Variants in EPB41L3 observed in about 807,000 individuals in gnomAD.
EPB41L3 encodes erythrocyte membrane protein band 4.1 like 3, also known as band 4.1-like protein 3.
EPB41L3 carries 57 observed loss-of-function variants against 127.1 expected under a neutral mutation model. The observed-to-expected ratio is 0.45, with a 90% CI of 0.36 to 0.56. The LOEUF (loss-of-function observed/expected upper bound fraction) is 0.56, where lower values mean the gene tolerates loss of function less well. Among genes scored for constraint, EPB41L3 ranks in the 20% least tolerant of loss-of-function variants. The probability of loss-of-function intolerance (pLI) is 0.00; values close to 1 mark genes in which losing one functional copy is unlikely to be tolerated. For missense variants in EPB41L3, 1,273 were observed against 1,372.2 expected (o/e 0.93, Z 1.14); for synonymous variants, 572 against 549.5 (o/e 1.04, Z -0.57).
At chr18:5,523,859 T>C (rs982218265) in intron 1 of EPB41L3, among the ~76,000 whole-genome samples, 8 of 152,292 alleles carry the variant, frequency 5.3e-5, no homozygotes, top group Admixed American at 2.0e-4. Context: ...TCTACTTGTT[T>C]TAAAAACCTT....
chr18:5,482,857 A>G (rs1380547438), intron 2 of EPB41L3, among the ~76,000 whole-genome samples: 1 of 152,204 alleles, frequency 6.6e-6, no homozygotes, highest in Non-Finnish European at 1.5e-5. Flanking sequence ...GAAATGCTAA[A>G]GAGAGTTCTT....
intron 1 of EPB41L3, among the ~76,000 whole-genome samples, chr18:5,525,384 T>C (rs1197900874): frequency 1.3e-5 from 2 of 152,176 alleles, no homozygotes; most frequent in Admixed American, 6.5e-5. Context: ...AGTAACACAA[T>C]GAGGCCAGCT....
intron 3 of EPB41L3, among the ~76,000 whole-genome samples, chr18:5,597,331 C>A (rs1184756119): frequency 6.6e-6 from 1 of 152,184 alleles, no homozygotes; most frequent in Non-Finnish European, 1.5e-5. Context: ...TATGATATGA[C>A]TTGGCTTCAG....
chr18:5,474,668 T>C (rs370828817), intron 3 of EPB41L3, among the ~76,000 whole-genome samples: 19 of 152,210 alleles, frequency 1.2e-4, no homozygotes, highest in East Asian at 7.7e-4. Context: ...AAAAAAAAGT[T>C]TCATCTGTTA....
chr18:5,489,994 T>G (rs1023008306), intron 1 of EPB41L3, among the ~76,000 whole-genome samples: 1 of 152,242 alleles, frequency 6.6e-6, no homozygotes, highest in Non-Finnish European at 1.5e-5. Flanking sequence ...TTCCCAAAGA[T>G]TGCAAGTCAA....
chr18:5,409,303 T>G (rs2075898198), intron 14 of EPB41L3, among the ~76,000 whole-genome samples: 1 of 152,198 alleles, frequency 6.6e-6, no homozygotes. Context: ...CTGTAGAAGT[T>G]TAAGGTATTA....
intron 3 of EPB41L3, among the ~76,000 whole-genome samples, chr18:5,446,046 C>T (rs1223472530): frequency 6.6e-6 from 1 of 152,188 alleles, no homozygotes; most frequent in Non-Finnish European, 1.5e-5. Context: ...ATTAACCCTG[C>T]TCCTTGTCTT....
chr18:5,561,382 A>G (rs1202029696), intron 3 of EPB41L3, among the ~76,000 whole-genome samples: 1 of 152,188 alleles, frequency 6.6e-6, no homozygotes, highest in Non-Finnish European at 1.5e-5. Context: ...GGATATAGAA[A>G]GGACACAGGA....
At chr18:5,475,975 T>C (rs1281594239) in intron 3 of EPB41L3, among the ~76,000 whole-genome samples, 1 of 152,188 alleles carries the variant, frequency 6.6e-6, no homozygotes, top group African/African-American at 2.4e-5. Flanking sequence ...TTACCTAGTA[T>C]GCCCCGTGTG....
chr18:5,415,201 G>A (rs1045274089), intron 13 of EPB41L3, among the ~76,000 whole-genome samples: 5 of 152,180 alleles, frequency 3.3e-5, no homozygotes, highest in Non-Finnish European at 4.4e-5. Flanking sequence ...CCTTACCAAT[G>A]GCTGATGTCA....
At chr18:5,516,345 C>A (rs746399224) in intron 1 of EPB41L3, among the ~76,000 whole-genome samples, 3 of 152,168 alleles carry the variant, frequency 2.0e-5, no homozygotes, top group African/African-American at 7.2e-5. Context: ...GTTCTCCTTA[C>A]GTGCTATTTC....
At chr18:5,519,911 T>C (rs2148796979) in intron 1 of EPB41L3, among the ~76,000 whole-genome samples, 1 of 152,354 alleles carries the variant, frequency 6.6e-6, no homozygotes, top group Middle Eastern at 3.4e-3. Flanking sequence ...CACAGCACTG[T>C]ACAAATGTTG....
chr18:5,396,432 T>C, intron 18 of EPB41L3, 100 bp from the exon 19 acceptor site: 1 of 1,387,112 alleles, frequency 7.2e-7, no homozygotes, highest in South Asian at 1.3e-5. Flanking sequence ...CAGGTTAGTA[T>C]GCTATAAATG....
At chr18:5,574,384 T>C (rs865936967) in intron 3 of EPB41L3, among the ~76,000 whole-genome samples, 1 of 151,384 alleles carries the variant, frequency 6.6e-6, no homozygotes, top group Admixed American at 6.6e-5. Flanking sequence ...GAATCAGTTT[T>C]TTTTTTTTTT....
chr18:5,407,025 A>G, intron 15 of EPB41L3, 57 bp from the exon 16 acceptor site: 1 of 1,525,512 alleles, frequency 6.6e-7, no homozygotes, highest in Non-Finnish European at 9.1e-7. Context: ...TGTTCCTTTC[A>G]GCTCTTTTGT....
intron 3 of EPB41L3, among the ~76,000 whole-genome samples, chr18:5,609,067 C>CA (rs757936694): frequency 5.3e-5 from 8 of 152,300 alleles, no homozygotes; most frequent in South Asian, 2.1e-4. Flanking sequence ...TAACAGATTG[C>CA]AACAACAAAT....
rs994484388 is a variant in EPB41L3, at chr18:5,397,304, G to A, written c.2595C>T (p.His865=). Residue 865 remains histidine, a synonymous_variant, in exon 18 of 23, where the codon CAC becomes CAT. Coordinates refer to ENST00000341928, the MANE Select transcript of EPB41L3 (RefSeq NM_012307.5). The surrounding 1 kb of genome is among the most constrained non-coding windows in gnomAD (Gnocchi z 4.1). The part of the protein sequence containing the change: ...TVLVEERRVV[H]ASGDASYSAG... ...CCGAGTAAGAAGCATCCCCACTCGC[G>A]TGCACCACACGCCGCTCCTCCACCA... 1.2e-5 allele frequency: 20 copies of A among 1,613,800 alleles called. No homozygotes were observed. Among genetic ancestry groups the A allele is most frequent in the African/African-American group, 4.0e-5 (3 of 74,952 alleles).
At chr18:5,507,646 G>T (rs1257327194) in intron 1 of EPB41L3, among the ~76,000 whole-genome samples, 1 of 152,064 alleles carries the variant, frequency 6.6e-6, no homozygotes, top group Non-Finnish European at 1.5e-5. Flanking sequence ...AACACACATT[G>T]GAGACATTCA....
chr18:5,423,218 G>A (rs187659211), intron 11 of EPB41L3, among the ~76,000 whole-genome samples, 160 bp downstream of exon 11: 19 of 152,200 alleles, frequency 1.2e-4, no homozygotes, highest in Admixed American at 5.9e-4. Flanking sequence ...CTTTCATTTC[G>A]CTGGGGGAGA....
Sources: allele counts gnomAD v4.1 joint callset (sites outside exome capture counted in the v4.1 genomes callset), GRCh38; gene constraint gnomAD v4.1.1; non-coding constraint Gnocchi (gnomAD v3.1); transcripts MANE v1.5; gene names NCBI Gene and HGNC (gene_info 2026-07-23, HGNC 2026-07-21).